Variants in CACNA2D3 observed in about 807,000 individuals in gnomAD.
CACNA2D3 encodes voltage-dependent calcium channel subunit alpha-2/delta-3.
CACNA2D3 carries 60 observed loss-of-function variants against 160.6 expected under a neutral mutation model. That is an observed-to-expected ratio of 0.37 (90% CI 0.30 to 0.46). The LOEUF (loss-of-function observed/expected upper bound fraction) is 0.46, where lower values mean the gene tolerates loss of function less well. Among genes scored for constraint, CACNA2D3 ranks in the 20% least tolerant of loss-of-function variants. CACNA2D3 has a pLI of 1.00. For synonymous variants in CACNA2D3, 558 were observed against 492.9 expected, an observed-to-expected ratio of 1.13 and a Z score of -1.75; for missense variants, 1,205 against 1,365.0, an observed-to-expected ratio of 0.88 and a Z score of 1.85.
chr3:54,918,653 G>A (rs779337233), intron 27 of CACNA2D3: 1 of 1,614,176 alleles, frequency 6.2e-7, no homozygotes, highest in Admixed American at 1.7e-5. Flanking sequence ...GCATGACGCA[G>A]GTTGGCCGGC....
At chr3:54,460,250 G>C (rs1325637445) in intron 4 of CACNA2D3, among the ~76,000 whole-genome samples, 1 of 151,928 alleles carries the variant, frequency 6.6e-6, no homozygotes, top group African/African-American at 2.4e-5. Flanking sequence ...TTGACTTGGC[G>C]ATGCAGGCTC....
At chr3:54,899,462 A>G (rs1036515054) in intron 26 of CACNA2D3, among the ~76,000 whole-genome samples, 7 of 152,216 alleles carry the variant, frequency 4.6e-5, no homozygotes, top group African/African-American at 1.7e-4. Context: ...GACACAAGTA[A>G]ACACTGCAAT....
chr3:54,842,756 G>A (rs569710965), intron 16 of CACNA2D3, among the ~76,000 whole-genome samples: 37 of 150,494 alleles, frequency 2.5e-4, no homozygotes, highest in African/African-American at 6.8e-4. Flanking sequence ...ACCCACCATC[G>A]TGCCTGGCTG....
intron 25 of CACNA2D3, among the ~76,000 whole-genome samples, chr3:54,892,392 C>G (rs867540707): frequency 3.9e-5 from 6 of 152,134 alleles, no homozygotes; most frequent in Middle Eastern, 3.4e-3. Flanking sequence ...TTCCTTGGAG[C>G]TTGACAGTGC....
chr3:54,988,318 G>A (rs1314698399), intron 31 of CACNA2D3, among the ~76,000 whole-genome samples: 1 of 152,212 alleles, frequency 6.6e-6, no homozygotes, highest in Non-Finnish European at 1.5e-5. Flanking sequence ...CCAGGTGTAA[G>A]AACTCTCGCT....
chr3:54,405,374 C>A (rs1406437597), intron 4 of CACNA2D3, among the ~76,000 whole-genome samples: 1 of 150,394 alleles, frequency 6.6e-6, no homozygotes, highest in Non-Finnish European at 1.5e-5. Context: ...AAAGCAGACA[C>A]ATAGACTTGT....
chr3:54,804,151 T>C (rs1420615505), intron 13 of CACNA2D3, among the ~76,000 whole-genome samples: 7 of 151,024 alleles, frequency 4.6e-5, no homozygotes, highest in Admixed American at 4.6e-4. Flanking sequence ...CATCAACTAA[T>C]GAGCAAAATA....
At chr3:55,006,390 C>G (rs984923428) in intron 32 of CACNA2D3, among the ~76,000 whole-genome samples, 1 of 152,134 alleles carries the variant, frequency 6.6e-6, no homozygotes, top group Non-Finnish European at 1.5e-5. Flanking sequence ...TTTATTCACT[C>G]TCTCCTTCCC....
chr3:54,883,763 A>C (rs934388164), intron 21 of CACNA2D3, among the ~76,000 whole-genome samples: 2 of 139,854 alleles, frequency 1.4e-5, no homozygotes, highest in African/African-American at 2.6e-5. Flanking sequence ...TCACTTTCTC[A>C]GTGAAGCCTT....
At chr3:54,373,322 A>G (rs1443724720) in intron 3 of CACNA2D3, among the ~76,000 whole-genome samples, 1 of 152,222 alleles carries the variant, frequency 6.6e-6, no homozygotes, top group African/African-American at 2.4e-5. Flanking sequence ...AGAGAAGTAA[A>G]TAAGCCCGCT....
chr3:54,976,951 A>G (rs1024852508), intron 29 of CACNA2D3, among the ~76,000 whole-genome samples: 2 of 152,240 alleles, frequency 1.3e-5, no homozygotes, highest in African/African-American at 2.4e-5. Flanking sequence ...AAATGTTTAC[A>G]GCAAATAATA....
intron 4 of CACNA2D3, among the ~76,000 whole-genome samples, chr3:54,456,000 T>C (rs967757215): frequency 6.6e-6 from 1 of 152,166 alleles, no homozygotes; most frequent in South Asian, 2.1e-4. Context: ...TCCAGCTTTG[T>C]TCTTTTTGCT....
At chr3:54,809,376 T>A (rs1703232220) in intron 13 of CACNA2D3, among the ~76,000 whole-genome samples, 1 of 126,812 alleles carries the variant, frequency 7.9e-6, no homozygotes, top group African/African-American at 3.7e-5. Flanking sequence ...CGGACTGCAG[T>A]GGCGCAATCT....
intron 35 of CACNA2D3, among the ~76,000 whole-genome samples, chr3:55,035,700 G>A (rs1358481848): frequency 1.3e-5 from 2 of 152,172 alleles, no homozygotes; most frequent in East Asian, 3.8e-4. Flanking sequence ...TCCGAAAATT[G>A]AATTGGTGTT....
chr3:54,803,274 G>A (rs935337073), intron 13 of CACNA2D3, among the ~76,000 whole-genome samples: 2 of 152,174 alleles, frequency 1.3e-5, no homozygotes, highest in African/African-American at 4.8e-5. Flanking sequence ...GCTACAGGAG[G>A]AAATTCAAAC....
At chr3:54,157,294 A>G (rs1321998585) in intron 2 of CACNA2D3, among the ~76,000 whole-genome samples, 1 of 152,072 alleles carries the variant, frequency 6.6e-6, no homozygotes, top group Non-Finnish European at 1.5e-5. Flanking sequence ...CAAAGGCTCC[A>G]CCTCCATTAC....
chr3:54,810,324 T>C (rs1056186422), intron 13 of CACNA2D3, among the ~76,000 whole-genome samples: 33 of 152,212 alleles, frequency 2.2e-4, no homozygotes, highest in African/African-American at 7.5e-4. Context: ...TGGTGTGGGG[T>C]GGCAGAAGTG....
intron 27 of CACNA2D3, chr3:54,901,221 T>G (rs1700325422): frequency 1.3e-5 from 2 of 152,232 alleles, no homozygotes; most frequent in African/African-American, 4.8e-5. Flanking sequence ...TGAGGCCACA[T>G]GCAGCAGCTG....
chr3:54,747,186 C>T (rs1345588310), intron 11 of CACNA2D3, among the ~76,000 whole-genome samples: 2 of 152,028 alleles, frequency 1.3e-5, no homozygotes, highest in East Asian at 1.9e-4. Context: ...TCAGACCCCA[C>T]GGACATTTTT....
Sources: gnomAD v4.1 joint callset for allele counts (sites outside exome capture counted in the v4.1 genomes callset) on GRCh38, gnomAD v4.1.1 for gene constraint, MANE v1.5 for transcripts, NCBI Gene and HGNC (gene_info 2026-07-23, HGNC 2026-07-21) for gene names.